The following IL1RAPL2 variants were observed in gnomAD, a reference collection of about 807,000 sequenced individuals.
The protein encoded by IL1RAPL2 is interleukin 1 receptor accessory protein like 2, also known as X-linked interleukin-1 receptor accessory protein-like 2.
A neutral mutation model predicts 44.1 loss-of-function variants in IL1RAPL2; 3 were observed. The ratio of observed to expected loss-of-function variants is 0.07; its 90% CI spans 0.03 to 0.18. The LOEUF (loss-of-function observed/expected upper bound fraction) is 0.18, where lower values mean the gene tolerates loss of function less well. Among genes scored for constraint, IL1RAPL2 ranks in the 10% least tolerant of loss-of-function variants. The pLI is 1.00. For synonymous variants in IL1RAPL2, 181 were observed against 178.8 expected (o/e 1.01, Z -0.10); for missense variants, 391 against 496.4 (o/e 0.79, Z 2.02).
chrX:105,363,307 T>TATAA (rs2035265956), intron 5 of IL1RAPL2, among the ~76,000 whole-genome samples: 1 of 71,955 alleles, frequency 1.4e-5, no homozygotes, highest in Non-Finnish European at 2.2e-5. Flanking sequence ...TATATATATA[T>TATAA]AATATATATA....
chrX:104,790,380 G>A (rs1019042393), intron 2 of IL1RAPL2, among the ~76,000 whole-genome samples: 11 of 110,936 alleles, frequency 9.9e-5, no homozygotes, highest in Non-Finnish European at 1.9e-4. Context: ...GTGTCTTTTT[G>A]TTCTTCACGC....
intron 2 of IL1RAPL2, among the ~76,000 whole-genome samples, chrX:104,812,492 G>A (rs1339539975): frequency 1.8e-5 from 2 of 110,685 alleles, no homozygotes; most frequent in Non-Finnish European, 3.8e-5. Flanking sequence ...TTCCTGATGG[G>A]GTCTTAGTGA....
intron 6 of IL1RAPL2, among the ~76,000 whole-genome samples, chrX:105,667,747 G>A (rs1038190160): frequency 1.1e-4 from 12 of 111,291 alleles, no homozygotes; most frequent in East Asian, 2.8e-4. Context: ...AGAGTTTTCC[G>A]TAGAATATTA....
At chrX:105,081,423 A>C (rs1456410054) in intron 2 of IL1RAPL2, among the ~76,000 whole-genome samples, 1 of 111,415 alleles carries the variant, frequency 9.0e-6, no homozygotes, top group African/African-American at 3.3e-5. Flanking sequence ...TCATTATCAA[A>C]TTTTGTCCTT....
At chrX:105,454,497 C>G (rs1569443218) in intron 5 of IL1RAPL2, among the ~76,000 whole-genome samples, 1 of 110,690 alleles carries the variant, frequency 9.0e-6, no homozygotes, top group African/African-American at 3.3e-5. Flanking sequence ...ACACTTGAGC[C>G]TACACAGTAC....
At chrX:104,910,885 G>A (rs1378419018) in intron 2 of IL1RAPL2, among the ~76,000 whole-genome samples, 2 of 111,221 alleles carry the variant, frequency 1.8e-5, no homozygotes, top group African/African-American at 6.5e-5. Flanking sequence ...TTCTAAGACC[G>A]TATCATGAGG....
intron 5 of IL1RAPL2, among the ~76,000 whole-genome samples, chrX:105,439,263 G>C (rs1324177712): frequency 9.0e-6 from 1 of 111,503 alleles, no homozygotes; most frequent in Non-Finnish European, 1.9e-5. Flanking sequence ...TCTTCTGACT[G>C]TGATCTTGGC....
chrX:105,035,715 A>G (rs1317988850), intron 2 of IL1RAPL2, among the ~76,000 whole-genome samples: 1 of 112,553 alleles, frequency 8.9e-6, no homozygotes, highest in Non-Finnish European at 1.9e-5. Flanking sequence ...AAAATATTAA[A>G]AAGGATTTAC....
At chrX:104,655,691 T>C (rs1035895599) in intron 1 of IL1RAPL2, among the ~76,000 whole-genome samples, 2 of 111,864 alleles carry the variant, frequency 1.8e-5, no homozygotes, top group African/African-American at 6.5e-5. Context: ...CCTCATAAAA[T>C]GAGTTAGGGA....
chrX:105,486,252 T>C (rs756265799), intron 6 of IL1RAPL2, among the ~76,000 whole-genome samples: 3 of 112,415 alleles, frequency 2.7e-5, no homozygotes, highest in African/African-American at 3.2e-5. Flanking sequence ...CTTATTTATA[T>C]CTTGAAAATA....
At chrX:105,179,510 T>C (rs188764437) in intron 2 of IL1RAPL2, among the ~76,000 whole-genome samples, 80 of 112,280 alleles carry the variant, frequency 7.1e-4, no homozygotes, top group Non-Finnish European at 9.8e-4. Context: ...TGGGTTGTTA[T>C]TTCTAATTCT....
At chrX:105,437,710 T>A (rs1602411881) in intron 5 of IL1RAPL2, among the ~76,000 whole-genome samples, 2 of 111,583 alleles carry the variant, frequency 1.8e-5, no homozygotes, top group Middle Eastern at 9.2e-3. Flanking sequence ...GTTTCAATCT[T>A]ACTGGTCAAT....
intron 5 of IL1RAPL2, among the ~76,000 whole-genome samples, chrX:105,334,664 T>C (rs1442711643): frequency 9.0e-6 from 1 of 111,315 alleles, no homozygotes; most frequent in Non-Finnish European, 1.9e-5. Context: ...ACATTAAAAA[T>C]AAAAATTTAA....
At chrX:104,671,389 G>A (rs373722336) in intron 2 of IL1RAPL2, among the ~76,000 whole-genome samples, 3 of 111,611 alleles carry the variant, frequency 2.7e-5, no homozygotes, top group South Asian at 3.8e-4. Flanking sequence ...TTCTTCACAT[G>A]TGAATCACTT....
intron 6 of IL1RAPL2, among the ~76,000 whole-genome samples, chrX:105,546,514 T>C (rs1447946568): frequency 1.8e-5 from 2 of 109,534 alleles, no homozygotes; most frequent in Admixed American, 9.8e-5. Context: ...GTGATGGTGA[T>C]TTTTTTAAAG....
At chrX:104,931,573 G>C (rs1348533094) in intron 2 of IL1RAPL2, among the ~76,000 whole-genome samples, 1 of 111,385 alleles carries the variant, frequency 9.0e-6, no homozygotes, top group Non-Finnish European at 1.9e-5. Context: ...ACCCTGGGTA[G>C]TAGCGAAAGC....
Position 104,646,658 on chromosome X carries a change from C to T in IL1RAPL2, c.-19-12237C>T, listed in dbSNP as rs565050776. Among the ~76,000 whole-genome samples, 15 of 111,822 alleles carry T rather than the reference C, an allele frequency of 1.3e-4. No homozygotes were observed. The South Asian group carries it at 5.3e-3, about 40-fold the overall frequency. On this transcript the variant is annotated intron_variant, in intron 1 of 10. Transcript: ENST00000372582. ...TGGCTAGAAGCTCTGCTCTGTGACTCTTCATTCTGTGGCCCAGGGTGATGG... is the reference window on the plus strand; with the variant it reads ...TGGCTAGAAGCTCTGCTCTGTGACTTTTCATTCTGTGGCCCAGGGTGATGG...
At chrX:104,881,170 G>A (rs1178944168) in intron 2 of IL1RAPL2, among the ~76,000 whole-genome samples, 1 of 111,348 alleles carries the variant, frequency 9.0e-6, no homozygotes, top group Admixed American at 9.6e-5. Flanking sequence ...AATTAAGAGT[G>A]AAAATGTTAA....
intron 1 of IL1RAPL2, among the ~76,000 whole-genome samples, chrX:104,658,275 C>T (rs1006972900): frequency 8.9e-6 from 1 of 112,299 alleles, no homozygotes; most frequent in Non-Finnish European, 1.9e-5. Context: ...CCATGGAATA[C>T]TGTGCAGCCA....
Sources: allele counts gnomAD v4.1 joint callset (sites outside exome capture counted in the v4.1 genomes callset), GRCh38; gene constraint gnomAD v4.1.1; transcripts MANE v1.5; gene names NCBI Gene and HGNC (gene_info 2026-07-23, HGNC 2026-07-21).